Variants in DOC2A observed in about 807,000 individuals in gnomAD.
DOC2A encodes the protein double C2 domain alpha, also known as double C2-like domain-containing protein alpha.
Under a neutral mutation model 40.6 loss-of-function variants are expected in DOC2A, and 28 were observed. The observed-to-expected ratio is 0.69, with a 90% CI of 0.51 to 0.95. The LOEUF (loss-of-function observed/expected upper bound fraction) is 0.95, where lower values mean the gene tolerates loss of function less well. Ranked by LOEUF, DOC2A falls within the 40% of genes least tolerant of loss-of-function variation. The pLI is 0.00. For missense variants in DOC2A, 474 were observed against 552.5 expected, an observed-to-expected ratio of 0.86 and a Z score of 1.42; for synonymous variants, 241 against 236.9, an observed-to-expected ratio of 1.02 and a Z score of -0.16.
intron 5 of DOC2A, chr16:30,007,930 T>C (rs1428070586): frequency 6.3e-6 from 1 of 157,740 alleles, no homozygotes; most frequent in African/African-American, 2.4e-5. Flanking sequence ...TAAATGGAGA[T>C]AGTCAAGGGA....
chr16:30,018,131 T>G, intron 1 of DOC2A, among the ~76,000 whole-genome samples: 1 of 117,612 alleles, frequency 8.5e-6, no homozygotes, highest in South Asian at 3.0e-4. Flanking sequence ...AAAAAAAAAC[T>G]TAGCTGGGCA....
In DOC2A at chr16:30,006,708, G is replaced by A. The variant is rs1351061541; in HGVS notation, c.879-31C>T. 2.5e-6 allele frequency: 4 copies of A among 1,613,710 alleles called. No homozygotes were observed. In the African/African-American group the frequency reaches 4.0e-5, roughly 16 times the overall value. On this transcript the variant is annotated intron_variant, in intron 8 of 10. Transcript: ENST00000350119. This position sits in a 1 kb window ranked among gnomAD's most constrained non-coding sequence, Gnocchi z 6.2. ...GGTGGGGTGGAGGGAGACGAACTGA[G>A]GGGTGAGGGACAGGCCAGGCCCAAC...
At chr16:30,023,052 G>C (rs776933556), upstream of DOC2A, 1 of 318,730 alleles carries the variant, frequency 3.1e-6, no homozygotes, top group Non-Finnish European at 6.1e-6. Context: ...ACCCCAAATT[G>C]TGCCTGTTGT....
Position 30,009,843 on chromosome 16 carries a change from C to A in DOC2A, c.262+118G>T, listed in dbSNP as rs562756715. ...GTGGTGGCCGTCCCTGCCACCCCCC[C>A]ACTGCCCTCCTCCCCTACCTACATG... On this transcript the variant is annotated intron_variant, in intron 2 of 10. Coordinates refer to ENST00000350119, the MANE Select transcript of DOC2A (RefSeq NM_003586.3). The surrounding 1 kb of genome is among the most constrained non-coding windows in gnomAD (Gnocchi z 4.1). The A allele has an allele frequency of 4.3e-6, 5 of 1,162,430 alleles. No homozygotes were observed. The highest frequency in any genetic ancestry group is 1.3e-5 in the South Asian group (1 of 77,212). The allele number at this position is 1,162,430 out of a possible 1,614,324, so 72.0% of individuals were successfully genotyped here.
upstream of DOC2A, among the ~76,000 whole-genome samples, chr16:30,016,056 T>TATATATATATATATA (rs1491508395): frequency 1.6e-4 from 2 of 12,642 alleles, no homozygotes; most frequent in Admixed American, 1.2e-3. Context: ...TATATATATA[T>TATATATATATATATA]TTTTTTTTTT....
chr16:30,022,035 G>A (rs1327057652), upstream of DOC2A, among the ~76,000 whole-genome samples: 1 of 151,734 alleles, frequency 6.6e-6, no homozygotes, highest in Non-Finnish European at 1.5e-5. Flanking sequence ...GATCATCCGA[G>A]TTCAGGAGTT....
At chr16:30,011,108 G>A (rs2070768326), upstream of DOC2A, 3 of 762,694 alleles carry the variant, frequency 3.9e-6, no homozygotes, top group East Asian at 1.3e-4. Context: ...CTGGGGCTGG[G>A]GAGGGGGCGG....
At chr16:30,019,275 G>A (rs2070888733) in intron 1 of DOC2A, among the ~76,000 whole-genome samples, 1 of 152,058 alleles carries the variant, frequency 6.6e-6, no homozygotes, top group Non-Finnish European at 1.5e-5. Context: ...CCGAGATCGC[G>A]CCACTGCACT....
At position 30,005,876 on chromosome 16, in the gene DOC2A, C is replaced by T. The variant is rs370089233; in HGVS notation, c.*310G>A. ...CCTCCTCCCTGTTGGGGGAGAGGGACGGGGCAGCGTGGAGAGGCAGGAGTG... is the reference window on the plus strand; with the variant it reads ...CCTCCTCCCTGTTGGGGGAGAGGGATGGGGCAGCGTGGAGAGGCAGGAGTG... On this transcript the variant is annotated 3_prime_UTR_variant, in exon 11 of 11. Transcript: ENST00000350119. 3.3e-5 allele frequency: 16 copies of T among 491,260 alleles called. 1 individual carries two copies. Among genetic ancestry groups the T allele is most frequent in the South Asian group, 7.6e-5 (3 of 39,560 alleles). The allele number at this position is 491,260 out of a possible 1,614,324, so 30.4% of individuals were successfully genotyped here.
chr16:30,017,973 A>G (rs2070870982), intron 1 of DOC2A, among the ~76,000 whole-genome samples: 1 of 149,272 alleles, frequency 6.7e-6, no homozygotes, highest in Non-Finnish European at 1.5e-5. Flanking sequence ...AAAAAAAAAA[A>G]AAAAAGAAAG....
At chr16:30,021,368 C>A (rs191965463), upstream of DOC2A, 51 of 152,370 alleles carry the variant, frequency 3.3e-4, no homozygotes, top group African/African-American at 1.2e-3. Context: ...GACAGGCCCA[C>A]CTGCCAATCA....
chr16:30,011,493 C>G, upstream of DOC2A: 1 of 887,672 alleles, frequency 1.1e-6, no homozygotes, highest in Non-Finnish European at 1.3e-6. Context: ...CTCCCGGGTC[C>G]CCAAGGCCGG....
At chr16:30,017,962 GAAAA>G (rs113271952) in intron 1 of DOC2A, among the ~76,000 whole-genome samples, 1 of 92,704 alleles carries the variant, frequency 1.1e-5, no homozygotes, top group African/African-American at 3.5e-5. Context: ...TCTGTCTCCG[GAAAA>G]AAAAAAAAAA....
At chr16:30,016,055 A>ATATATATTTTT (rs1163519904), upstream of DOC2A, among the ~76,000 whole-genome samples, 2 of 16,894 alleles carry the variant, frequency 1.2e-4, no homozygotes, top group Non-Finnish European at 1.9e-4. Flanking sequence ...ATATATATAT[A>ATATATATTTTT]TTTTTTTTTT....
In DOC2A at chr16:30,005,745, G is replaced by T; in HGVS notation, c.*441C>A. ...CTCTTTAAAAGGGCAGCTGTACAGGGCTAGGTTTTTTCAATGAAGTTTCTG... is the reference window on the plus strand; with the variant it reads ...CTCTTTAAAAGGGCAGCTGTACAGGTCTAGGTTTTTTCAATGAAGTTTCTG... On this transcript the variant is annotated 3_prime_UTR_variant, in exon 11 of 11. Coordinates refer to ENST00000350119, the MANE Select transcript of DOC2A (RefSeq NM_003586.3). 1 of 498,170 alleles carries T rather than the reference G, an allele frequency of 2.0e-6. No homozygotes were observed. The highest frequency in any genetic ancestry group is 3.5e-6 in the Non-Finnish European group (1 of 282,388). The allele number at this position is 498,170 out of a possible 1,614,324, so 30.9% of individuals were successfully genotyped here. A position where few individuals can be genotyped will look rare whatever the true frequency, so the allele number is the denominator to read the frequency against.
At chr16:30,008,899 G>T in intron 5 of DOC2A, 97 bp downstream of exon 5, 1 of 858,156 alleles carries the variant, frequency 1.2e-6, no homozygotes, top group Non-Finnish European at 2.0e-6. Flanking sequence ...GAGCATCAGA[G>T]AGGTACGGGC....
At chr16:30,013,603 C>CAAAAAAAAAAAAAAAA (rs61309249), upstream of DOC2A, 43 of 34,882 alleles carry the variant, frequency 1.2e-3, no homozygotes, top group Non-Finnish European at 1.7e-3. Flanking sequence ...GACCCTGTCT[C>CAAAAAAAAAAAAAAAA]AAAAAAAAAA....
At chr16:30,018,908 G>A (rs2070883325) in intron 1 of DOC2A, 1 of 152,324 alleles carries the variant, frequency 6.6e-6, no homozygotes, top group Non-Finnish European at 1.5e-5. Context: ...CACCTGCTGG[G>A]AGGCAGACGG....
rs1238980529 is a variant in DOC2A, at chr16:30,007,159, GC to G, written c.654+13del. 1 of 1,613,930 alleles carries G rather than the reference GC, an allele frequency of 6.2e-7. No individual in the cohort carries two copies. Among genetic ancestry groups the G allele is most frequent in the Admixed American group, 1.7e-5 (1 of 60,020 alleles). On this transcript the variant is annotated intron_variant, in intron 6 of 10. Transcript: ENST00000350119. The stretch of plus-strand genomic sequence containing the variant: ...GGCCCCCTCCCCTGGCGCCCCTGCA[GC>G]CCCCACACAGACCGGGACCTGGCGC...
Sources: gnomAD v4.1 joint callset for allele counts (sites outside exome capture counted in the v4.1 genomes callset) on GRCh38, gnomAD v4.1.1 for gene constraint, Gnocchi (gnomAD v3.1) non-coding constraint, MANE v1.5 for transcripts, NCBI Gene and HGNC (gene_info 2026-07-23, HGNC 2026-07-21) for gene names.